Variants in ZNF394 observed in about 807,000 individuals in gnomAD.
ZNF394 encodes zinc finger protein 99.
ZNF394 carries 19 observed loss-of-function variants against 21.8 expected under a neutral mutation model. That is an observed-to-expected ratio of 0.87 (90% CI 0.61 to 1.28). The LOEUF (loss-of-function observed/expected upper bound fraction) is 1.28, where lower values mean the gene tolerates loss of function less well. Ranked by LOEUF, ZNF394 falls within the 50% of genes most tolerant of loss-of-function variation. ZNF394 has a pLI of 0.00. For missense variants in ZNF394, 683 were observed against 708.6 expected (o/e 0.96, Z 0.41); for synonymous variants, 294 against 273.3 (o/e 1.08, Z -0.75).
In ZNF394 at chr7:99,493,694, A is replaced by T. The variant is rs1270571867; in HGVS notation, c.1521T>A (p.Asn507Lys). The T allele has an allele frequency of 1.9e-6, 3 of 1,614,000 alleles. No individual in the cohort carries two copies. Among genetic ancestry groups the T allele is most frequent in the South Asian group, 2.2e-5 (2 of 91,092 alleles). The change falls in exon 3 of 3, where the codon AAT (asparagine) becomes AAA (lysine). Residue 507 changes from asparagine (N) to lysine (K), a missense_variant. Transcript: ENST00000337673. ...GGTGTTTAATGAGGGTTGCACTCTG[A>T]TTGAAGCGTTTCCCACAGACGGAAC... is the stretch of plus-strand genomic sequence containing the variant. Reference protein sequence around the residue: ...YGCSVCGKRFNQSATLIKHQR... With the variant: ...YGCSVCGKRFKQSATLIKHQR...
Position 99,500,155 on chromosome 7 carries a change from C to G in ZNF394, c.-62G>C. 1 of 1,485,830 alleles carries G rather than the reference C, an allele frequency of 6.7e-7. No individual in the cohort carries two copies. 92.0% of individuals were successfully genotyped at this position (1,485,830 alleles called of 1,614,324 possible). A position where few individuals can be genotyped will look rare whatever the true frequency, so the allele number is the denominator to read the frequency against. On this transcript the variant is annotated 5_prime_UTR_variant, in exon 1 of 3. Transcript: ENST00000337673. ...TTTTCAGGTGAAGAAAGAGCAAACC[C>G]AAGGAACTCATCAGCCGTCAACACC...
downstream of ZNF394, among the ~76,000 whole-genome samples, chr7:99,491,594 G>A (rs1275567483): frequency 4.0e-5 from 6 of 150,954 alleles, no homozygotes. Context: ...TGGCCAACAT[G>A]GTGAAACCCT....
chr7:99,494,028 C>T lies in ZNF394; in HGVS notation c.1187G>A (p.Ser396Asn). 1 of 1,613,918 alleles carries T rather than the reference C, an allele frequency of 6.2e-7. No homozygotes were observed. Among genetic ancestry groups the T allele is most frequent in the Non-Finnish European group, 8.5e-7 (1 of 1,179,986 alleles). ...GTGCTTGGTCAGGGCAGCACTCTGG[C>T]TGAAGCTTTTCCCACATTCTTGGCA... ...YGCQECGKSFSQSAALTKHQR... is the reference protein window; with the variant it reads ...YGCQECGKSFNQSAALTKHQR... Residue 396 changes from serine to asparagine, a missense_variant, in exon 3 of 3, where the codon AGC becomes AAC. Transcript: ENST00000337673.
At chr7:99,492,315 T>A (rs1193360053), downstream of ZNF394, among the ~76,000 whole-genome samples, 1 of 151,970 alleles carries the variant, frequency 6.6e-6, no homozygotes, top group African/African-American at 2.4e-5. Flanking sequence ...TAGGCAAGTA[T>A]TAATAATTGT....
At chr7:99,493,129 T>C (rs1015335019), downstream of ZNF394, 56 of 876,232 alleles carry the variant, frequency 6.4e-5, no homozygotes, top group Non-Finnish European at 7.5e-5. Context: ...CAGGACAGAT[T>C]GAACCTATCT....
downstream of ZNF394, among the ~76,000 whole-genome samples, chr7:99,489,338 T>TG (rs1800111675): frequency 3.9e-5 from 6 of 151,902 alleles, no homozygotes; most frequent in South Asian, 1.3e-3. Flanking sequence ...ATAGGTGCCG[T>TG]GGGCCCTGCC....
rs1800475282 is a variant in ZNF394, at chr7:99,500,070, C to G, written c.24G>C (p.Gln8His). MNSSLTA[Q>H]RRGSDAELGP... ...CCAACTCGGCGTCACTGCCGCGCCTCTGGGCGGTCAAGCTGGAATTCATCT... is the reference window on the plus strand; with the variant it reads ...CCAACTCGGCGTCACTGCCGCGCCTGTGGGCGGTCAAGCTGGAATTCATCT... The change falls in exon 1 of 3, where the codon CAG becomes CAC. Residue 8 changes from glutamine (Q) to histidine (H), a missense_variant. By Grantham distance (24) the Gln-to-His change is conservative. Around this residue, in one of 3 missense-constraint regions of ZNF394, gnomAD observed 402 missense variants for 373.8 expected, o/e 1.08. Transcript: ENST00000337673. The G allele has an allele frequency of 1.9e-6, 3 of 1,571,640 alleles. No homozygotes were observed. Among genetic ancestry groups the G allele is most frequent in the East Asian group, 4.5e-5 (2 of 44,568 alleles).
chr7:99,497,122 GTATATATATATA>G (rs1206330509), intron 2 of ZNF394, among the ~76,000 whole-genome samples: 1 of 79,466 alleles, frequency 1.3e-5, no homozygotes. Flanking sequence ...GTGTGTGTGT[GTATATATATATA>G]TATATATGTA....
chr7:99,489,900 G>C (rs1042527338), downstream of ZNF394, among the ~76,000 whole-genome samples: 1 of 151,964 alleles, frequency 6.6e-6, no homozygotes, highest in Admixed American at 6.6e-5. Context: ...AGCTACTCAG[G>C]AGGCTGAGAC....
chr7:99,489,862 G>A (rs747120230), downstream of ZNF394, among the ~76,000 whole-genome samples: 29 of 152,002 alleles, frequency 1.9e-4, no homozygotes, highest in African/African-American at 2.7e-4. Context: ...CTAATTTGCC[G>A]GGCGTGGTGG....
chr7:99,494,148 C>G lies in ZNF394; in HGVS notation c.1067G>C (p.Arg356Thr). The change falls in exon 3 of 3, where the codon AGA becomes ACA. Residue 356 changes from arginine (R) to threonine (T), a missense_variant. Physicochemically the swap from Arg to Thr is moderately conservative, Grantham distance 71 (BLOSUM62 -1). Transcript: ENST00000337673. ...FETQRQLHEE[R>T]PYKCGNCGKS... is the part of the protein sequence containing the mutation. ...CCCACAGTTACCACATTTATAAGGTCTTTCTTCATGGAGCTGCCTCTGGGT... is the reference window on the plus strand; with the variant it reads ...CCCACAGTTACCACATTTATAAGGTGTTTCTTCATGGAGCTGCCTCTGGGT... 1 of 1,614,208 alleles carries G rather than the reference C, an allele frequency of 6.2e-7. No individual in the cohort carries two copies. The highest frequency in any genetic ancestry group is 8.5e-7 in the Non-Finnish European group (1 of 1,180,050).
In ZNF394 at chr7:99,494,523, A is replaced by T. The variant is rs749688126; in HGVS notation, c.692T>A (p.Leu231Gln). The change falls in exon 3 of 3, where the codon CTG (leucine) becomes CAG (glutamine). Residue 231 changes from leucine (L) to glutamine (Q), a missense_variant. Physicochemically the swap from Leu to Gln is moderately radical, Grantham distance 113. Around this residue, in one of 3 missense-constraint regions of ZNF394, gnomAD observed 402 missense variants for 373.8 expected, o/e 1.08. Transcript: ENST00000337673. ...ATGGGTACTGCCACACTTAGAAAAC[A>T]GGGGGCGCTTCCCCTGGAACGCTTC... ...LQEAFQGKRP[L>Q]FSKCGSTHED... 6 of 1,613,654 alleles carry T rather than the reference A, an allele frequency of 3.7e-6. No individual in the cohort carries two copies. Among genetic ancestry groups the T allele is most frequent in the Non-Finnish European group, 5.1e-6 (6 of 1,179,984 alleles).
chr7:99,494,369 T>C lies in ZNF394; in HGVS notation c.846A>G (p.Lys282=). The change falls in exon 3 of 3, where the codon AAA becomes AAG. Residue 282 remains lysine (K), a synonymous_variant. Transcript: ENST00000337673. ...TGGCACTGTTCTGCAATTCATTATT[T>C]TTAGAGTCTTCCCCTTCTATGGAAC... ...KNGSIEGEDS[K]NNELQNSARC... is the part of the protein sequence containing the mutation. The C allele has an allele frequency of 6.2e-7, 1 of 1,614,200 alleles. No individual in the cohort carries two copies. Among genetic ancestry groups the C allele is most frequent in the Non-Finnish European group, 8.5e-7 (1 of 1,180,032 alleles).
downstream of ZNF394, among the ~76,000 whole-genome samples, chr7:99,491,254 TATA>T (rs764577120): frequency 1.3e-5 from 2 of 152,228 alleles, no homozygotes; most frequent in Non-Finnish European, 2.9e-5. Flanking sequence ...TCAAATTTTG[TATA>T]ATAAGCCTTG....
At chr7:99,487,672 A>T in intron 1 of ZNF394, 2 of 648,400 alleles carry the variant, frequency 3.1e-6, no homozygotes, top group Non-Finnish European at 5.0e-6. Flanking sequence ...TGGGCAACAC[A>T]GTGAGATCCC....
chr7:99,498,520 A>G, intron 2 of ZNF394, 196 bp downstream of exon 2: 2 of 631,112 alleles, frequency 3.2e-6, no homozygotes, highest in Non-Finnish European at 5.2e-6. Flanking sequence ...TTCTGTATGT[A>G]TAAAACATTA....
At chr7:99,492,517 G>C (rs1404364930), downstream of ZNF394, among the ~76,000 whole-genome samples, 3 of 151,392 alleles carry the variant, frequency 2.0e-5, no homozygotes, top group Admixed American at 2.0e-4. Flanking sequence ...TGGTGCACCT[G>C]TAGTCCCAAG....
intron 1 of ZNF394, among the ~76,000 whole-genome samples, 172 bp from the exon 2 acceptor site, chr7:99,499,014 G>A (rs576604970): frequency 2.0e-5 from 3 of 152,310 alleles, no homozygotes; most frequent in East Asian, 1.9e-4. Flanking sequence ...TTTGGAGGTA[G>A]GTAGGAGCAA....
intron 2 of ZNF394, among the ~76,000 whole-genome samples, chr7:99,497,122 G>GTATATATATATATATATATATATA: frequency 1.3e-5 from 1 of 79,448 alleles, no homozygotes. Context: ...GTGTGTGTGT[G>GTATATATATATATATATATATATA]TATATATATA....
Sources: allele counts gnomAD v4.1 joint callset (sites outside exome capture counted in the v4.1 genomes callset), GRCh38; gene constraint gnomAD v4.1.1; regional missense constraint gnomAD v4.1.1; transcripts MANE v1.5; gene names NCBI Gene and HGNC (gene_info 2026-07-23, HGNC 2026-07-21).